WDR72: variants seen among roughly 807,000 people sequenced by gnomAD.
WDR72 encodes the protein WD repeat-containing protein 72.
WDR72 carries 120 observed loss-of-function variants against 124.2 expected under a neutral mutation model. That is an observed-to-expected ratio of 0.97 (90% CI 0.83 to 1.12). The LOEUF is 1.12. WDR72 is among the 50% of genes most tolerant of loss of function. The probability of loss-of-function intolerance (pLI) is 0.00; values close to 1 mark genes in which losing one functional copy is unlikely to be tolerated. For synonymous variants in WDR72, 452 were observed against 441.7 expected, an observed-to-expected ratio of 1.02 and a Z score of -0.29; for missense variants, 1,387 against 1,278.8, an observed-to-expected ratio of 1.08 and a Z score of -1.29.
At chr15:53,602,615 G>C (rs923898739) in intron 17 of WDR72, among the ~76,000 whole-genome samples, 6 of 152,006 alleles carry the variant, frequency 3.9e-5, no homozygotes, top group Admixed American at 3.9e-4. Context: ...AGAAAAGAGA[G>C]AAGATTCAAA....
intron 13 of WDR72, among the ~76,000 whole-genome samples, chr15:53,667,882 T>A (rs2015834179): frequency 1.3e-5 from 2 of 152,222 alleles, no homozygotes; most frequent in Non-Finnish European, 2.9e-5. Flanking sequence ...TTTCTTGTAT[T>A]TTTTTAGTGA....
intron 18 of WDR72, among the ~76,000 whole-genome samples, chr15:53,550,302 A>G (rs1893675722): frequency 1.3e-5 from 2 of 152,220 alleles, no homozygotes; most frequent in Admixed American, 6.5e-5. Flanking sequence ...AAAACAATAC[A>G]TGAATGGATG....
chr15:53,693,296 T>C (rs1278739034), intron 13 of WDR72, among the ~76,000 whole-genome samples: 1 of 152,198 alleles, frequency 6.6e-6, no homozygotes, highest in Non-Finnish European at 1.5e-5. Flanking sequence ...TACTTCTCCA[T>C]GTAGTAAACT....
chr15:53,562,916 G>A (rs1404182930), intron 18 of WDR72, among the ~76,000 whole-genome samples: 3 of 151,750 alleles, frequency 2.0e-5, no homozygotes, highest in African/African-American at 4.8e-5. Context: ...TATGCCTTGT[G>A]TTCTCTAAGT....
At chr15:53,617,525 G>C (rs2140370741) in intron 14 of WDR72, among the ~76,000 whole-genome samples, 1 of 151,676 alleles carries the variant, frequency 6.6e-6, no homozygotes, top group Admixed American at 6.6e-5. Flanking sequence ...GGTAAAAAAT[G>C]AAATGGAGAA....
intron 18 of WDR72, among the ~76,000 whole-genome samples, chr15:53,583,174 C>G (rs1199731805): frequency 6.6e-6 from 1 of 151,878 alleles, no homozygotes; most frequent in African/African-American, 2.4e-5. Flanking sequence ...TAAAGCTATG[C>G]AAGTGTACTG....
intron 13 of WDR72, among the ~76,000 whole-genome samples, chr15:53,685,773 G>A (rs1490303127): frequency 6.7e-6 from 1 of 149,820 alleles, no homozygotes; most frequent in Non-Finnish European, 1.5e-5. Flanking sequence ...ATTCACCAAA[G>A]TTGAAATGAG....
At chr15:53,564,074 CA>C (rs2140297182) in intron 18 of WDR72, among the ~76,000 whole-genome samples, 1 of 151,930 alleles carries the variant, frequency 6.6e-6, no homozygotes, top group African/African-American at 2.4e-5. Flanking sequence ...AGACCAATCA[CA>C]GAGTCAAAAA....
chr15:53,722,330 C>A (rs1007410820), intron 3 of WDR72, among the ~76,000 whole-genome samples: 3 of 152,106 alleles, frequency 2.0e-5, no homozygotes, highest in Non-Finnish European at 4.4e-5. Flanking sequence ...CCACCGTGCC[C>A]GGCCTGTTAG....
chr15:53,580,750 A>G (rs1288437198), intron 18 of WDR72, among the ~76,000 whole-genome samples: 2 of 152,028 alleles, frequency 1.3e-5, no homozygotes, highest in African/African-American at 4.8e-5. Flanking sequence ...GGCCATGGAA[A>G]AAAAAGACTG....
At chr15:53,747,533 C>G (rs1054592362) in intron 1 of WDR72, among the ~76,000 whole-genome samples, 1 of 152,206 alleles carries the variant, frequency 6.6e-6, no homozygotes, top group African/African-American at 2.4e-5. Flanking sequence ...GCAAATTAAT[C>G]TTTGAATTCC....
At chr15:53,636,089 T>C (rs1482823714) in intron 14 of WDR72, among the ~76,000 whole-genome samples, 2 of 152,216 alleles carry the variant, frequency 1.3e-5, no homozygotes, top group African/African-American at 4.8e-5. Context: ...TGCTTGGTTT[T>C]ATGCTATACT....
At chr15:53,622,992 T>C (rs1265912014) in intron 14 of WDR72, among the ~76,000 whole-genome samples, 1 of 152,074 alleles carries the variant, frequency 6.6e-6, no homozygotes, top group Non-Finnish European at 1.5e-5. Flanking sequence ...TCACATAAAT[T>C]AATTTGTAAA....
rs536232724 is a variant in WDR72 at position 53,751,779 on chromosome 15, G to C, written c.-13+7854C>G. Among the ~76,000 whole-genome samples the C allele has an allele frequency of 2.6e-5, 4 of 152,200 alleles. No homozygotes were observed. In the South Asian group the frequency reaches 8.3e-4, roughly 32 times the overall value. On this transcript the variant is annotated intron_variant, in intron 1 of 19. Coordinates refer to ENST00000360509, the MANE Select transcript of WDR72 (RefSeq NM_182758.4). ...AGTAAGGAGACAGCATGTACCGGTG[G>C]GTCAGGCCCTCCAGTCAGTGAGCCT...
chr15:53,700,093 T>A, intron 12 of WDR72, 148 bp from the exon 13 acceptor site: 1 of 876,726 alleles, frequency 1.1e-6, no homozygotes, highest in South Asian at 1.6e-5. Context: ...GCACCTTTCA[T>A]GTAACCCTCT....
At chr15:53,663,369 G>C (rs2015671932) in intron 14 of WDR72, among the ~76,000 whole-genome samples, 1 of 152,024 alleles carries the variant, frequency 6.6e-6, no homozygotes, top group African/African-American at 2.4e-5. Flanking sequence ...AGTCATCTAA[G>C]GCAAGGGGCA....
chr15:53,548,970 T>C (rs1893610517), intron 18 of WDR72, among the ~76,000 whole-genome samples: 1 of 152,138 alleles, frequency 6.6e-6, no homozygotes, highest in African/African-American at 2.4e-5. Flanking sequence ...TGGAGAAATT[T>C]ACAGAAGAAA....
rs1434129828 is a variant in WDR72 at position 53,710,956 on chromosome 15, G to A, written c.858-3C>T. ...GGTATATGCTTTTTGAAAGCCCACT[G>A]CGTGGCAAAAATAAAAAGCAAAGTT... On this transcript the variant is annotated splice_region_variant and splice_polypyrimidine_tract_variant and intron_variant, in intron 8 of 19. Transcript: ENST00000360509. The A allele has an allele frequency of 3.7e-6, 6 of 1,611,966 alleles. No homozygotes were observed. The highest frequency in any genetic ancestry group is 5.1e-6 in the Non-Finnish European group (6 of 1,178,948).
intron 16 of WDR72, among the ~76,000 whole-genome samples, chr15:53,610,295 A>C (rs2013483514): frequency 6.6e-6 from 1 of 152,088 alleles, no homozygotes; most frequent in Non-Finnish European, 1.5e-5. Flanking sequence ...AAAAGTACTT[A>C]ATAAGTGCCT....
Sources: gnomAD v4.1 joint callset for allele counts (sites outside exome capture counted in the v4.1 genomes callset) on GRCh38, gnomAD v4.1.1 for gene constraint, MANE v1.5 for transcripts, NCBI Gene and HGNC (gene_info 2026-07-23, HGNC 2026-07-21) for gene names.